The following SLC44A5 variants were observed in gnomAD, a reference collection of about 807,000 sequenced individuals.
The protein encoded by SLC44A5 is solute carrier family 44 member 5.
SLC44A5 carries 57 observed loss-of-function variants against 101.8 expected under a neutral mutation model. The ratio of observed to expected loss-of-function variants is 0.56; its 90% CI spans 0.45 to 0.70. The LOEUF (loss-of-function observed/expected upper bound fraction) is 0.70. Ranked by LOEUF, SLC44A5 falls within the 30% of genes least tolerant of loss-of-function variation. The pLI is 0.00. For synonymous variants in SLC44A5, 281 were observed against 290.9 expected, an observed-to-expected ratio of 0.97 and a Z score of 0.35; for missense variants, 737 against 853.1, an observed-to-expected ratio of 0.86 and a Z score of 1.70.
intron 3 of SLC44A5, among the ~76,000 whole-genome samples, chr1:75,375,824 C>A (rs1249522949): frequency 6.6e-6 from 1 of 152,152 alleles, no homozygotes; most frequent in Non-Finnish European, 1.5e-5. Context: ...ACCACTGAAT[C>A]GTGGAGGAGC....
chr1:75,299,767 T>C (rs1056325534), intron 5 of SLC44A5, among the ~76,000 whole-genome samples: 1 of 151,844 alleles, frequency 6.6e-6, no homozygotes, highest in Non-Finnish European at 1.5e-5. Flanking sequence ...TCCCAGCACT[T>C]TGGGAGGCCG....
At chr1:75,683,561 T>C in the SLC44A5 span, among the ~76,000 whole-genome samples, 1 of 151,170 alleles carries the variant, frequency 6.6e-6, no homozygotes, top group African/African-American at 2.4e-5. Flanking sequence ...AAAAATGAGA[T>C]CACATGGAAA....
intron 3 of SLC44A5, among the ~76,000 whole-genome samples, chr1:75,375,462 A>G (rs2175617): frequency 0.17 from 25,946 of 152,248 alleles, 2,973 homozygotes; most frequent in Non-Finnish European, 0.25. Flanking sequence ...AGAAGTTGAC[A>G]TGTAAGTTCA....
At chr1:75,479,993 A>C (rs555304261) in intron 2 of SLC44A5, among the ~76,000 whole-genome samples, 9 of 152,354 alleles carry the variant, frequency 5.9e-5, no homozygotes, top group Non-Finnish European at 1.2e-4. Flanking sequence ...CATTGATGCA[A>C]AAATCCTCAA....
intron 1 of SLC44A5, among the ~76,000 whole-genome samples, chr1:75,596,011 A>T (rs766281146): frequency 1.3e-5 from 2 of 152,220 alleles, no homozygotes; most frequent in Admixed American, 6.5e-5. Flanking sequence ...TTCTAACATC[A>T]TTCAAAAAGA....
At chr1:75,591,719 A>G (rs1674364165) in intron 1 of SLC44A5, among the ~76,000 whole-genome samples, 1 of 152,188 alleles carries the variant, frequency 6.6e-6, no homozygotes, top group Non-Finnish European at 1.5e-5. Context: ...AGAATGGTTC[A>G]ACATATGCAA....
At chr1:75,287,505 G>T (rs1653165419) in intron 5 of SLC44A5, among the ~76,000 whole-genome samples, 1 of 130,236 alleles carries the variant, frequency 7.7e-6, no homozygotes. Context: ...TGATCTTTTG[G>T]GGGTACTAAA....
At chr1:75,497,461 T>C (rs1175922432) in intron 2 of SLC44A5, among the ~76,000 whole-genome samples, 1 of 152,090 alleles carries the variant, frequency 6.6e-6, no homozygotes, top group African/African-American at 2.4e-5. Flanking sequence ...GAGAGTACAA[T>C]GGTGATTTCC....
At chr1:75,692,185 CTTTTT>C in the SLC44A5 span, among the ~76,000 whole-genome samples, 3 of 84,764 alleles carry the variant, frequency 3.5e-5, no homozygotes, top group East Asian at 3.2e-4. Context: ...AGATGGGATT[CTTTTT>C]TTTTTTTTTT....
the SLC44A5 span, among the ~76,000 whole-genome samples, chr1:75,645,869 C>T: frequency 7.3e-6 from 1 of 136,148 alleles, no homozygotes; most frequent in African/African-American, 2.5e-5. Flanking sequence ...GTATTCCCAA[C>T]ACCATTTGTT....
At chr1:75,711,429 A>G in the SLC44A5 span, among the ~76,000 whole-genome samples, 2 of 152,224 alleles carry the variant, frequency 1.3e-5, no homozygotes, top group Non-Finnish European at 2.9e-5. Flanking sequence ...TGAAGAAAAA[A>G]ATAAATCAAA....
chr1:75,574,754 T>C (rs1444441423), intron 1 of SLC44A5, among the ~76,000 whole-genome samples: 2 of 152,180 alleles, frequency 1.3e-5, no homozygotes, highest in East Asian at 1.9e-4. Context: ...TAAGACCATA[T>C]TGTGGGAATC....
intron 2 of SLC44A5, among the ~76,000 whole-genome samples, chr1:75,471,421 A>G (rs1667104725): frequency 6.6e-6 from 1 of 152,004 alleles, no homozygotes; most frequent in Non-Finnish European, 1.5e-5. Context: ...ACACACACAC[A>G]CACCCATGAA....
At chr1:75,513,900 A>G (rs1018525074) in intron 2 of SLC44A5, among the ~76,000 whole-genome samples, 1 of 152,200 alleles carries the variant, frequency 6.6e-6, no homozygotes, top group Non-Finnish European at 1.5e-5. Context: ...TGGCACAATC[A>G]TAGTTCACTG....
chr1:75,615,401 ACTCT>A (rs1419697197), upstream of SLC44A5, among the ~76,000 whole-genome samples: 3 of 123,118 alleles, frequency 2.4e-5, no homozygotes, highest in South Asian at 2.9e-4. Context: ...ACCATGAAAA[ACTCT>A]CTCTCTCTCT....
At chr1:75,271,108 C>T (rs961959552) in intron 6 of SLC44A5, among the ~76,000 whole-genome samples, 1 of 152,000 alleles carries the variant, frequency 6.6e-6, no homozygotes, top group African/African-American at 2.4e-5. Flanking sequence ...CAAAATTTAG[C>T]CCAGTCATCT....
intron 23 of SLC44A5, chr1:75,206,515 T>C (rs749899244): frequency 1.6e-5 from 14 of 858,418 alleles, no homozygotes; most frequent in Non-Finnish European, 2.3e-5. Context: ...GCACAGAAAT[T>C]TCACATTACT....
the SLC44A5 span, among the ~76,000 whole-genome samples, chr1:75,640,279 C>A: frequency 1.3e-5 from 2 of 151,994 alleles, no homozygotes; most frequent in African/African-American, 4.8e-5. Context: ...ACCAGCTAAG[C>A]CAGCTGGGTC....
the SLC44A5 span, among the ~76,000 whole-genome samples, chr1:75,680,525 G>C: frequency 6.7e-6 from 1 of 149,384 alleles, no homozygotes; most frequent in African/African-American, 2.5e-5. Flanking sequence ...GGTACATAAT[G>C]AAATGAAGGC....
Sources: allele counts gnomAD v4.1 joint callset (sites outside exome capture counted in the v4.1 genomes callset), GRCh38; gene constraint gnomAD v4.1.1; transcripts MANE v1.5; gene names NCBI Gene and HGNC (gene_info 2026-07-23, HGNC 2026-07-21).